FBXL17: variants seen among roughly 807,000 people sequenced by gnomAD.
FBXL17 encodes F-box and leucine rich repeat protein 17.
Under a neutral mutation model 66.2 loss-of-function variants are expected in FBXL17, and 22 were observed. The ratio of observed to expected loss-of-function variants is 0.33; its 90% CI spans 0.24 to 0.47. The LOEUF (loss-of-function observed/expected upper bound fraction) is 0.47, where lower values mean the gene tolerates loss of function less well. Among genes scored for constraint, FBXL17 ranks in the 20% least tolerant of loss-of-function variants. FBXL17 has a pLI of 1.00. For synonymous variants in FBXL17, 474 were observed against 400.5 expected, an observed-to-expected ratio of 1.18 and a Z score of -2.19; for missense variants, 878 against 948.2, an observed-to-expected ratio of 0.93 and a Z score of 0.97.
At chr5:108,136,496 T>C (rs1751139414) in intron 6 of FBXL17, among the ~76,000 whole-genome samples, 1 of 152,120 alleles carries the variant, frequency 6.6e-6, no homozygotes, top group Non-Finnish European at 1.5e-5. Context: ...AAGAACTAGT[T>C]TTTCTTGCTC....
intron 6 of FBXL17, among the ~76,000 whole-genome samples, chr5:108,055,608 C>CAAAAAAA (rs55653715): frequency 3.9e-5 from 2 of 51,138 alleles, no homozygotes; most frequent in African/African-American, 5.5e-5. Flanking sequence ...GACTCTGTCT[C>CAAAAAAA]AAAAAAAAAA....
intron 4 of FBXL17, among the ~76,000 whole-genome samples, chr5:108,347,369 G>A (rs1431223420): frequency 2.0e-5 from 3 of 152,088 alleles, no homozygotes; most frequent in African/African-American, 7.2e-5. Context: ...ATTGTTATAT[G>A]GCCCATGACT....
intron 7 of FBXL17, among the ~76,000 whole-genome samples, chr5:107,882,910 T>G (rs981611902): frequency 2.6e-5 from 4 of 152,142 alleles, no homozygotes; most frequent in Non-Finnish European, 5.9e-5. Flanking sequence ...GAAAGCCCAG[T>G]GCTATCCAGA....
chr5:107,930,235 C>A (rs1750684325), intron 7 of FBXL17, among the ~76,000 whole-genome samples: 1 of 152,162 alleles, frequency 6.6e-6, no homozygotes, highest in South Asian at 2.1e-4. Context: ...AATCCAACTT[C>A]TTGTCCATTC....
At chr5:108,285,510 G>C (rs1381739624) in intron 4 of FBXL17, among the ~76,000 whole-genome samples, 2 of 151,820 alleles carry the variant, frequency 1.3e-5, no homozygotes, top group African/African-American at 4.8e-5. Flanking sequence ...TGTGTTAACA[G>C]GCATAAAAAT....
chr5:108,054,043 T>C (rs142441731), intron 6 of FBXL17, among the ~76,000 whole-genome samples: 43 of 152,072 alleles, frequency 2.8e-4, no homozygotes, highest in African/African-American at 9.2e-4. Context: ...TTCTCATTCA[T>C]AAGTGGGTGT....
At chr5:108,010,658 G>A (rs1171036271) in intron 7 of FBXL17, among the ~76,000 whole-genome samples, 4 of 152,082 alleles carry the variant, frequency 2.6e-5, no homozygotes, top group South Asian at 2.1e-4. Context: ...CTACCATAAC[G>A]TGCATAAGAA....
chr5:108,010,513 A>C (rs1271787430), intron 7 of FBXL17, among the ~76,000 whole-genome samples: 1 of 152,186 alleles, frequency 6.6e-6, no homozygotes, highest in Non-Finnish European at 1.5e-5. Context: ...TGTGATGACG[A>C]ATATAATAGG....
intron 7 of FBXL17, among the ~76,000 whole-genome samples, chr5:107,904,075 C>T (rs1183625859): frequency 1.3e-5 from 2 of 152,176 alleles, no homozygotes; most frequent in Non-Finnish European, 2.9e-5. Context: ...ATATTAATGA[C>T]TCCAAGCCTA....
At chr5:108,298,806 A>G (rs1307061865) in intron 4 of FBXL17, 17 of 838,090 alleles carry the variant, frequency 2.0e-5, no homozygotes, top group Non-Finnish European at 2.2e-5. Flanking sequence ...GTGTATACAT[A>G]TTTTCAAAAT....
At chr5:108,258,808 A>T (rs371672139) in intron 4 of FBXL17, among the ~76,000 whole-genome samples, 3 of 151,106 alleles carry the variant, frequency 2.0e-5, no homozygotes, top group African/African-American at 7.4e-5. Context: ...GCTAGTCAAC[A>T]GAAGAGTATA....
chr5:108,245,495 C>A lies in FBXL17; in HGVS notation c.1507-21267G>T, dbSNP rs999974525. Among the ~76,000 whole-genome samples the A allele has an allele frequency of 7.0e-4, 107 of 152,144 alleles. 8 individuals are homozygous for A. Among genetic ancestry groups the A allele is most frequent in the African/African-American group, 2.4e-5 (1 of 41,440 alleles). On this transcript the variant is annotated intron_variant, in intron 4 of 8. Coordinates refer to ENST00000542267, the MANE Select transcript of FBXL17 (RefSeq NM_001163315.3). ...AAACAAAATCTAAAATTAGGTTATA[C>A]ATTTTTCATCATGTCAGACAAATAA...
intron 6 of FBXL17, among the ~76,000 whole-genome samples, chr5:108,128,375 T>C (rs1750802077): frequency 6.6e-6 from 1 of 152,194 alleles, no homozygotes; most frequent in Admixed American, 6.6e-5. Flanking sequence ...ATTTGAGGTA[T>C]CATTTTCTCT....
At chr5:108,161,579 G>A (rs1752222505) in intron 6 of FBXL17, among the ~76,000 whole-genome samples, 1 of 152,126 alleles carries the variant, frequency 6.6e-6, no homozygotes, top group African/African-American at 2.4e-5. Context: ...TCTACACAGA[G>A]GTTAGACCTT....
At chr5:108,118,092 T>C (rs1452417215) in intron 6 of FBXL17, among the ~76,000 whole-genome samples, 2 of 152,190 alleles carry the variant, frequency 1.3e-5, no homozygotes, top group African/African-American at 2.4e-5. Flanking sequence ...GATTTTTTCA[T>C]GTATTCCCAG....
At chr5:108,258,554 T>G (rs1261623909) in intron 4 of FBXL17, among the ~76,000 whole-genome samples, 1 of 151,958 alleles carries the variant, frequency 6.6e-6, no homozygotes, top group African/African-American at 2.4e-5. Flanking sequence ...AAGAAAAAAA[T>G]ACAAAATTTC....
intron 6 of FBXL17, among the ~76,000 whole-genome samples, chr5:108,064,068 T>A (rs1748025712): frequency 6.6e-6 from 1 of 152,160 alleles, no homozygotes; most frequent in South Asian, 2.1e-4. Context: ...GAAGCAATAA[T>A]ACTGTTTAAA....
At chr5:108,121,308 C>T (rs1459695252) in intron 6 of FBXL17, among the ~76,000 whole-genome samples, 1 of 151,756 alleles carries the variant, frequency 6.6e-6, no homozygotes, top group African/African-American at 2.4e-5. Flanking sequence ...AGATTGGCAA[C>T]AGAGCAAGAC....
intron 4 of FBXL17, among the ~76,000 whole-genome samples, chr5:108,323,662 C>T (rs1759722770): frequency 6.6e-6 from 1 of 151,922 alleles, no homozygotes; most frequent in African/African-American, 2.4e-5. Context: ...AAGAAGAATC[C>T]ACTGGGAGTC....
Sources: gnomAD v4.1 joint callset for allele counts (sites outside exome capture counted in the v4.1 genomes callset) on GRCh38, gnomAD v4.1.1 for gene constraint, MANE v1.5 for transcripts, NCBI Gene and HGNC (gene_info 2026-07-23, HGNC 2026-07-21) for gene names.